The following PLEKHA5 variants were observed in gnomAD, a reference collection of about 807,000 sequenced individuals.
PLEKHA5 encodes pleckstrin homology domain containing A5, also known as pleckstrin homology domain-containing family A member 5.
In PLEKHA5, 55 loss-of-function variants were observed where a neutral mutation model predicts 181.9. The observed-to-expected ratio is 0.30, with a 90% CI of 0.24 to 0.38. The LOEUF is 0.38. Among genes scored for constraint, PLEKHA5 ranks in the 10% least tolerant of loss-of-function variants. The pLI is 1.00. For synonymous variants in PLEKHA5, 535 were observed against 529.4 expected (o/e 1.01, Z -0.15); for missense variants, 1,432 against 1,549.5 (o/e 0.92, Z 1.27).
intron 29 of PLEKHA5, 43 bp downstream of exon 29, chr12:19,361,749 T>C (rs1365457329): frequency 3.3e-6 from 5 of 1,525,914 alleles, no homozygotes; most frequent in Non-Finnish European, 4.5e-6. Context: ...CAAAACTGTG[T>C]AACTGCTTAA....
In PLEKHA5 at chr12:19,322,334, C is replaced by G; in HGVS notation, c.2242C>G (p.Gln748Glu). The G allele has an allele frequency of 6.2e-7, 1 of 1,613,028 alleles. No homozygotes were observed. The highest frequency in any genetic ancestry group is 8.5e-7 in the Non-Finnish European group (1 of 1,179,168). Reference protein sequence around the residue: ...IDAKLSRLCEQDKVVHALEEK... With the variant: ...IDAKLSRLCEEDKVVHALEEK... The stretch of plus-strand genomic sequence containing the variant: ...GGCCAAGTTAAGCCGATTATGTGAA[C>G]AAGATAAAGTGGTGCATGCTCTGGA... The change falls in exon 19 of 32, where the codon CAA becomes GAA. Residue 748 changes from glutamine to glutamate, a missense_variant. Physicochemically the swap from Gln to Glu is conservative, Grantham distance 29 (BLOSUM62 2). Around this residue, in one of 2 missense-constraint regions of PLEKHA5, gnomAD observed 1,143 missense variants for 1,168.4 expected, o/e 0.98. Coordinates refer to ENST00000429027, the MANE Select transcript of PLEKHA5 (RefSeq NM_001256470.2).
intron 3 of PLEKHA5, among the ~76,000 whole-genome samples, chr12:19,226,566 T>C (rs910282806): frequency 6.6e-6 from 1 of 152,222 alleles, no homozygotes; most frequent in African/African-American, 2.4e-5. Flanking sequence ...TAAATATTTA[T>C]GCTGAGATCC....
Position 19,346,976 on chromosome 12 carries a change from CTG to C in PLEKHA5, c.2710-16_2710-15del, listed in dbSNP as rs1280017668. ...CAATCTGCTTATCTAAATAAGGTGA[CTG>C]TTCTACAATCTTTAGGAAGAGGAAG... On this transcript the variant is annotated splice_polypyrimidine_tract_variant and intron_variant, in intron 23 of 31. Transcript: ENST00000429027. 4.0e-6 allele frequency: 6 copies of C among 1,510,564 alleles called. No individual in the cohort carries two copies. Among genetic ancestry groups the C allele is most frequent in the Non-Finnish European group, 5.4e-6 (6 of 1,117,196 alleles). The allele number at this position is 1,510,564 out of a possible 1,614,324, so 93.6% of individuals were successfully genotyped here.
Position 19,358,353 on chromosome 12 carries a change from A to G in PLEKHA5, c.3264A>G (p.Lys1088=). Residue 1088 remains lysine, a synonymous_variant, in exon 27 of 32, where the codon AAA becomes AAG. Coordinates refer to ENST00000429027, the MANE Select transcript of PLEKHA5 (RefSeq NM_001256470.2). ...HQQACLREKK[K]GLNVIGASDQ... Reference sequence around the variant, plus strand: ...AAGCGTGCCTGAGGGAGAAGAAAAAAGGGTTAAATGTTATCGGTGCTTCAG... The same window carrying G: ...AAGCGTGCCTGAGGGAGAAGAAAAAGGGGTTAAATGTTATCGGTGCTTCAG... 1 of 1,613,780 alleles carries G rather than the reference A, an allele frequency of 6.2e-7. No homozygotes were observed. The highest frequency in any genetic ancestry group is 8.5e-7 in the Non-Finnish European group (1 of 1,179,712).
At chr12:19,174,320 G>A (rs957132138) in intron 3 of PLEKHA5, among the ~76,000 whole-genome samples, 2 of 152,008 alleles carry the variant, frequency 1.3e-5, no homozygotes, top group South Asian at 4.2e-4. Context: ...TCGCACTGGA[G>A]GTGTTAATTC....
At chr12:19,297,553 C>T (rs139848170) in intron 15 of PLEKHA5, among the ~76,000 whole-genome samples, 8,235 of 144,816 alleles carry the variant, frequency 0.057, 362 homozygotes, top group East Asian at 0.19. Flanking sequence ...ACCCGGGAAG[C>T]GGAGCTTGCA....
chr12:19,373,659 ACT>A (rs948269457), intron 31 of PLEKHA5: 3 of 146,876 alleles, frequency 2.0e-5, no homozygotes, highest in Admixed American at 6.7e-5. Flanking sequence ...CAAGAACGAA[ACT>A]CTGTCTCAAA....
chr12:19,221,825 CAA>C (rs1308583485), intron 3 of PLEKHA5, among the ~76,000 whole-genome samples: 4 of 152,060 alleles, frequency 2.6e-5, no homozygotes, highest in Non-Finnish European at 5.9e-5. Context: ...TCATCAAAAA[CAA>C]GAAAGTCTGG....
chr12:19,217,398 T>A (rs2058160235), intron 3 of PLEKHA5, among the ~76,000 whole-genome samples: 1 of 152,164 alleles, frequency 6.6e-6, no homozygotes, highest in Admixed American at 6.5e-5. Flanking sequence ...AGGCTAAATA[T>A]GTACAGGATG....
At position 19,287,509 on chromosome 12, in the gene PLEKHA5, G is replaced by C; in HGVS notation, c.1816G>C (p.Gly606Arg). The C allele has an allele frequency of 6.2e-7, 1 of 1,611,842 alleles. No homozygotes were observed. The highest frequency in any genetic ancestry group is 8.5e-7 in the Non-Finnish European group (1 of 1,178,380). The change falls in exon 13 of 32, where the codon GGC becomes CGC. Residue 606 changes from glycine to arginine, a missense_variant. Gly to Arg is a moderately radical substitution (Grantham distance 125, BLOSUM62 -2). This residue lies in a region of PLEKHA5 where 1,143 missense variants were observed against 1,168.4 expected (regional missense o/e 0.98). Transcript: ENST00000429027. ...GCCTGACAGAAGGTCAGTGCCAGCTGGCCTGACTTTACAGTCTGTTAGTCC... is the reference window on the plus strand; with the variant it reads ...GCCTGACAGAAGGTCAGTGCCAGCTCGCCTGACTTTACAGTCTGTTAGTCC... Reference protein sequence around the residue: ...YVPDRRSVPAGLTLQSVSPQS... With the variant: ...YVPDRRSVPARLTLQSVSPQS...
chr12:19,261,395 A>G (rs2068444747), intron 7 of PLEKHA5, among the ~76,000 whole-genome samples: 3 of 152,220 alleles, frequency 2.0e-5, no homozygotes, highest in South Asian at 2.1e-4. Flanking sequence ...AGCAAATGAT[A>G]TTAGAATATT....
chr12:19,351,959 C>A (rs987468832), intron 25 of PLEKHA5, among the ~76,000 whole-genome samples: 8 of 151,670 alleles, frequency 5.3e-5, no homozygotes, highest in Non-Finnish European at 1.2e-4. Context: ...GCCTGTAATC[C>A]CAGTTACTCA....
chr12:19,295,019 A>G (rs1291737218), intron 15 of PLEKHA5, among the ~76,000 whole-genome samples: 2 of 152,224 alleles, frequency 1.3e-5, no homozygotes, highest in Non-Finnish European at 2.9e-5. Flanking sequence ...TCCATAGCCC[A>G]GTTAGTGTAT....
intron 26 of PLEKHA5, among the ~76,000 whole-genome samples, 172 bp from the exon 27 acceptor site, chr12:19,358,055 AG>A (rs1159806585): frequency 6.6e-6 from 1 of 152,174 alleles, no homozygotes; most frequent in Non-Finnish European, 1.5e-5. Flanking sequence ...TTACTAGTTA[AG>A]GATCAAATAG....
At chr12:19,297,102 T>G (rs1359781454) in intron 15 of PLEKHA5, among the ~76,000 whole-genome samples, 3 of 152,114 alleles carry the variant, frequency 2.0e-5, no homozygotes, top group Non-Finnish European at 4.4e-5. Context: ...GATGGAGATG[T>G]GCAGAAGGAT....
intron 3 of PLEKHA5, among the ~76,000 whole-genome samples, chr12:19,173,602 A>C (rs2046507211): frequency 6.6e-6 from 1 of 152,258 alleles, no homozygotes; most frequent in South Asian, 2.1e-4. Context: ...TATTAGCAGT[A>C]AGACCTCAAA....
intron 3 of PLEKHA5, among the ~76,000 whole-genome samples, chr12:19,209,198 A>G (rs1050136005): frequency 4.6e-5 from 7 of 152,140 alleles, no homozygotes; most frequent in African/African-American, 1.2e-4. Flanking sequence ...AAGAATAAAC[A>G]TCAAATTTAT....
intron 25 of PLEKHA5, among the ~76,000 whole-genome samples, chr12:19,349,599 A>G (rs2094493105): frequency 6.6e-6 from 1 of 152,072 alleles, no homozygotes; most frequent in Non-Finnish European, 1.5e-5. Context: ...TAGAGAGAGA[A>G]CTATCCTAGA....
intron 15 of PLEKHA5, among the ~76,000 whole-genome samples, chr12:19,297,177 A>G (rs2152884838): frequency 6.6e-6 from 1 of 152,236 alleles, no homozygotes; most frequent in African/African-American, 2.4e-5. Context: ...GGGTAAACCA[A>G]ACATGTACCA....
Sources: gnomAD v4.1 joint callset for allele counts (sites outside exome capture counted in the v4.1 genomes callset) on GRCh38, gnomAD v4.1.1 for gene constraint, gnomAD v4.1.1 regional missense constraint, MANE v1.5 for transcripts, NCBI Gene and HGNC (gene_info 2026-07-23, HGNC 2026-07-21) for gene names.